The following MARCHF11 variants were observed in gnomAD, a reference collection of about 807,000 sequenced individuals.
The protein encoded by MARCHF11 is membrane associated ring-CH-type finger 11, also known as E3 ubiquitin-protein ligase MARCHF11.
Under a neutral mutation model 37.3 loss-of-function variants are expected in MARCHF11, and 29 were observed. The observed-to-expected ratio is 0.78, with a 90% CI of 0.58 to 1.06. The LOEUF is 1.06. Among genes scored for constraint, MARCHF11 ranks in the 50% least tolerant of loss-of-function variants. MARCHF11 has a pLI of 0.00. For synonymous variants in MARCHF11, 233 were observed against 228.0 expected, an observed-to-expected ratio of 1.02 and a Z score of -0.20; for missense variants, 482 against 533.4, an observed-to-expected ratio of 0.90 and a Z score of 0.95.
intron 2 of MARCHF11, among the ~76,000 whole-genome samples, chr5:16,104,377 C>T (rs1579383666): frequency 6.6e-6 from 1 of 152,048 alleles, no homozygotes; most frequent in African/African-American, 2.4e-5. Context: ...ATAAAATATT[C>T]TATAACTGTG....
intron 3 of MARCHF11, among the ~76,000 whole-genome samples, chr5:16,078,629 C>T (rs1348387741): frequency 2.0e-5 from 3 of 152,066 alleles, no homozygotes; most frequent in African/African-American, 4.8e-5. Flanking sequence ...AGTACAAATC[C>T]AACAGTTCCC....
At chr5:16,118,391 A>T (rs148807844) in intron 2 of MARCHF11, among the ~76,000 whole-genome samples, 6 of 151,938 alleles carry the variant, frequency 3.9e-5, no homozygotes, top group Non-Finnish European at 7.3e-5. Context: ...AGGTCATTCA[A>T]CTGGTTCCAA....
At chr5:16,094,840 T>C (rs934958186) in intron 2 of MARCHF11, among the ~76,000 whole-genome samples, 4 of 152,184 alleles carry the variant, frequency 2.6e-5, no homozygotes, top group African/African-American at 9.7e-5. Context: ...AGCTTCTATT[T>C]GTACAGGACT....
intron 2 of MARCHF11, among the ~76,000 whole-genome samples, chr5:16,156,445 A>T (rs1026648457): frequency 5.3e-5 from 8 of 151,920 alleles, no homozygotes; most frequent in Admixed American, 6.6e-5. Flanking sequence ...GCCAATATTC[A>T]TGTAGTTCTT....
chr5:16,127,981 G>A (rs1358778416), intron 2 of MARCHF11, among the ~76,000 whole-genome samples: 1 of 152,088 alleles, frequency 6.6e-6, no homozygotes, highest in Non-Finnish European at 1.5e-5. Flanking sequence ...CCTACATGCT[G>A]CTCATCCCCT....
intron 2 of MARCHF11, among the ~76,000 whole-genome samples, chr5:16,119,317 G>A (rs967683513): frequency 2.0e-5 from 3 of 151,546 alleles, no homozygotes; most frequent in African/African-American, 4.9e-5. Flanking sequence ...AGCCAAGATC[G>A]TACCACTGCA....
At chr5:16,112,399 G>A (rs1737158530) in intron 2 of MARCHF11, among the ~76,000 whole-genome samples, 1 of 152,162 alleles carries the variant, frequency 6.6e-6, no homozygotes. Flanking sequence ...GAAGTCAAAG[G>A]AGATCATTTT....
intron 2 of MARCHF11, among the ~76,000 whole-genome samples, chr5:16,095,751 C>T (rs1736858062): frequency 3.9e-5 from 6 of 152,154 alleles, no homozygotes; most frequent in Admixed American, 3.9e-4. Flanking sequence ...ACTATTTATA[C>T]TTCTGGGGAA....
intron 3 of MARCHF11, among the ~76,000 whole-genome samples, chr5:16,084,753 GCAGT>G (rs925267494): frequency 8.4e-6 from 1 of 119,660 alleles, no homozygotes; most frequent in African/African-American, 3.4e-5. Flanking sequence ...TGTAGAAGGA[GCAGT>G]TTTTTTTTTT....
intron 3 of MARCHF11, among the ~76,000 whole-genome samples, chr5:16,078,486 G>A (rs1579674859): frequency 1.3e-5 from 2 of 152,108 alleles, no homozygotes; most frequent in South Asian, 2.1e-4. Context: ...TGTGGTTCTC[G>A]ATGGCCCAGA....
chr5:16,136,587 T>C (rs1260105995), intron 2 of MARCHF11, among the ~76,000 whole-genome samples: 7 of 152,108 alleles, frequency 4.6e-5, no homozygotes, highest in Non-Finnish European at 8.8e-5. Context: ...GGTTATAGAA[T>C]AGAAATGGGC....
In MARCHF11 at chr5:16,133,741, GGAA is replaced by G. The variant is rs1405023115; in HGVS notation, c.694-42663_694-42661del. On this transcript the variant is annotated intron_variant, in intron 2 of 3. Transcript: ENST00000332432. ...TCTTTTGGCTTCCCTGAGCGACAATGGAAGAAGAATTGTCTTGGACCACACATT... is the reference window on the plus strand; with the variant it reads ...TCTTTTGGCTTCCCTGAGCGACAATGGAAGAATTGTCTTGGACCACACATT... 3.3e-5 allele frequency among the ~76,000 whole-genome samples: 5 copies of G among 152,066 alleles called. No individual in the cohort carries two copies. In the South Asian group the frequency reaches 6.2e-4, roughly 19 times the overall value.
intron 3 of MARCHF11, among the ~76,000 whole-genome samples, chr5:16,073,593 TATATA>T (rs1448684618): frequency 1.3e-5 from 2 of 149,148 alleles, no homozygotes; most frequent in African/African-American, 2.4e-5. Flanking sequence ...TGTAAAGTAA[TATATA>T]ATATATAATA....
At chr5:16,120,324 G>A (rs942930068) in intron 2 of MARCHF11, among the ~76,000 whole-genome samples, 1 of 152,132 alleles carries the variant, frequency 6.6e-6, no homozygotes. Flanking sequence ...CCTGGAAAGT[G>A]TTAACTTCTC....
At chr5:16,124,696 G>T (rs1018424783) in intron 2 of MARCHF11, among the ~76,000 whole-genome samples, 1 of 151,458 alleles carries the variant, frequency 6.6e-6, no homozygotes, top group African/African-American at 2.4e-5. Context: ...CACAGAGAAG[G>T]GTAAAAGATG....
chr5:16,127,778 G>A (rs1737438930), intron 2 of MARCHF11, among the ~76,000 whole-genome samples: 1 of 152,158 alleles, frequency 6.6e-6, no homozygotes, highest in Non-Finnish European at 1.5e-5. Flanking sequence ...TCTTGATTAG[G>A]CCTCCAGACC....
intron 2 of MARCHF11, among the ~76,000 whole-genome samples, chr5:16,134,885 A>T (rs962275066): frequency 6.6e-6 from 1 of 152,142 alleles, no homozygotes; most frequent in African/African-American, 2.4e-5. Context: ...AGTACAATTC[A>T]ATAAAATTAT....
intron 3 of MARCHF11, among the ~76,000 whole-genome samples, chr5:16,073,380 G>A (rs1560966675): frequency 6.6e-6 from 1 of 152,096 alleles, no homozygotes; most frequent in African/African-American, 2.4e-5. Context: ...AAACTTAAAT[G>A]TCCAGGAGTT....
At chr5:16,113,493 A>G (rs1211510451) in intron 2 of MARCHF11, among the ~76,000 whole-genome samples, 1 of 152,208 alleles carries the variant, frequency 6.6e-6, no homozygotes, top group African/African-American at 2.4e-5. Flanking sequence ...ATTAGATCAA[A>G]GGCTACCTTC....
Sources: allele counts gnomAD v4.1 joint callset (sites outside exome capture counted in the v4.1 genomes callset), GRCh38; gene constraint gnomAD v4.1.1; transcripts MANE v1.5; gene names NCBI Gene and HGNC (gene_info 2026-07-23, HGNC 2026-07-21).